The following LOXL2 variants were observed in gnomAD, a reference collection of about 807,000 sequenced individuals.
The protein encoded by LOXL2 is lysyl oxidase homolog 2.
Under a neutral mutation model 93.0 loss-of-function variants are expected in LOXL2, and 70 were observed. The ratio of observed to expected loss-of-function variants is 0.75; its 90% CI spans 0.62 to 0.92. The LOEUF (loss-of-function observed/expected upper bound fraction) is 0.92, where lower values mean the gene tolerates loss of function less well. Among genes scored for constraint, LOXL2 ranks in the 40% least tolerant of loss-of-function variants. The probability of loss-of-function intolerance (pLI) is 0.00; values close to 1 mark genes in which losing one functional copy is unlikely to be tolerated. For synonymous variants in LOXL2, 438 were observed against 413.2 expected, an observed-to-expected ratio of 1.06 and a Z score of -0.73; for missense variants, 973 against 1,054.9, an observed-to-expected ratio of 0.92 and a Z score of 1.08.
chr8:23,321,986 C>T, intron 7 of LOXL2, 144 bp downstream of exon 7: 1 of 936,964 alleles, frequency 1.1e-6, no homozygotes, highest in Non-Finnish European at 1.6e-6. Context: ...CGAGGGGGAA[C>T]TAAACATTGC....
intron 1 of LOXL2, among the ~76,000 whole-genome samples, chr8:23,377,282 T>C (rs1280150169): frequency 6.6e-6 from 1 of 152,206 alleles, no homozygotes; most frequent in East Asian, 1.9e-4. Context: ...AGTTCTAGTT[T>C]GATTGCACTG....
chr8:23,310,359 C>T (rs1455460020), intron 9 of LOXL2, among the ~76,000 whole-genome samples: 1 of 152,208 alleles, frequency 6.6e-6, no homozygotes, highest in Non-Finnish European at 1.5e-5. Context: ...ACCTCTAATA[C>T]CTTGGTCTGC....
At chr8:23,305,774 A>G (rs1029609046) in intron 10 of LOXL2, among the ~76,000 whole-genome samples, 2 of 151,840 alleles carry the variant, frequency 1.3e-5, no homozygotes, top group African/African-American at 4.8e-5. Flanking sequence ...AAGAAGACAC[A>G]GCCTTCTACC....
chr8:23,382,465 C>G (rs771369218), intron 1 of LOXL2: 4 of 142,056 alleles, frequency 2.8e-5, no homozygotes, highest in Admixed American at 7.5e-5. Context: ...TGCAGTCAGC[C>G]AAGATCGTGC....
intron 3 of LOXL2, among the ~76,000 whole-genome samples, chr8:23,352,458 G>A (rs1057419030): frequency 1.3e-5 from 2 of 152,152 alleles, no homozygotes; most frequent in Non-Finnish European, 2.9e-5. Context: ...TCTGGTGGGA[G>A]TCAGGAGAAG....
chr8:23,309,861 G>T lies in LOXL2; in HGVS notation c.1687C>A (p.Leu563Met). The change falls in exon 10 of 14, where the codon CTG (leucine) becomes ATG (methionine). Residue 563 changes from leucine to methionine, a missense_variant. Leu to Met is a conservative substitution (Grantham distance 15). Coordinates refer to ENST00000389131, the MANE Select transcript of LOXL2 (RefSeq NM_002318.3). The part of the protein sequence containing the change: ...NAEMVQQTTY[L>M]EDRPMFMLQC... ...AGCATGAACATGGGCCGGTCCTCCA[G>T]GTAGGTGGTCTGCTGCACCATCTCC... is the stretch of plus-strand genomic sequence containing the variant. 6.3e-7 allele frequency: 1 copy of T among 1,586,274 alleles called. No homozygotes were observed. The highest frequency in any genetic ancestry group is 8.6e-7 in the Non-Finnish European group (1 of 1,164,912).
intron 1 of LOXL2, among the ~76,000 whole-genome samples, chr8:23,379,409 C>G (rs1160435539): frequency 6.6e-6 from 1 of 152,218 alleles, no homozygotes; most frequent in Non-Finnish European, 1.5e-5. Flanking sequence ...AGGCAGTCTT[C>G]CTGTTCTCAG....
At chr8:23,334,767 C>T (rs1333251158) in intron 4 of LOXL2, among the ~76,000 whole-genome samples, 1 of 94,856 alleles carries the variant, frequency 1.1e-5, no homozygotes, top group Non-Finnish European at 2.4e-5. Context: ...TGTCCAAAAT[C>T]AGAAGTAGTA....
At chr8:23,386,245 T>C (rs1804757994) in intron 1 of LOXL2, among the ~76,000 whole-genome samples, 1 of 152,080 alleles carries the variant, frequency 6.6e-6, no homozygotes, top group Non-Finnish European at 1.5e-5. Flanking sequence ...ATACAAAAAT[T>C]AGCCGGGCGT....
intron 5 of LOXL2, among the ~76,000 whole-genome samples, chr8:23,332,166 T>G (rs1803692368): frequency 6.9e-6 from 1 of 145,774 alleles, no homozygotes; most frequent in Non-Finnish European, 1.5e-5. Context: ...ACACACACAC[T>G]CACACTCTCT....
In LOXL2 at chr8:23,341,059, T is replaced by G; in HGVS notation, c.676A>C (p.Asn226His). Residue 226 changes from asparagine to histidine, a missense_variant, in exon 4 of 14, where the codon AAT becomes CAT. Physicochemically the swap from Asn to His is moderately conservative, Grantham distance 68 (BLOSUM62 1). Coordinates refer to ENST00000389131, the MANE Select transcript of LOXL2 (RefSeq NM_002318.3). ...AACATGCCGCAGACCACGCGGGAAT[T>G]CTTGGCCGTCCAGTGCTTGTCACAG... ...QICDKHWTAK[N>H]SRVVCGMFGF... The G allele has an allele frequency of 1.2e-6, 2 of 1,614,156 alleles. No homozygotes were observed. The highest frequency in any genetic ancestry group is 1.7e-4 in the Middle Eastern group (1 of 6,040).
intron 1 of LOXL2, among the ~76,000 whole-genome samples, chr8:23,368,905 G>A (rs1369795309): frequency 1.3e-5 from 2 of 152,076 alleles, no homozygotes; most frequent in East Asian, 3.9e-4. Flanking sequence ...CCATGGCAAC[G>A]GCGGGGACAT....
intron 1 of LOXL2, among the ~76,000 whole-genome samples, chr8:23,374,200 T>G (rs1295189089): frequency 6.7e-6 from 1 of 148,924 alleles, no homozygotes; most frequent in Non-Finnish European, 1.5e-5. Context: ...ACATGTGGTG[T>G]TTGGTTTTTT....
At chr8:23,366,367 T>A (rs1804401121) in intron 2 of LOXL2, among the ~76,000 whole-genome samples, 1 of 152,254 alleles carries the variant, frequency 6.6e-6, no homozygotes. Context: ...CTGTGCTGTC[T>A]CCTGATCCAG....
chr8:23,309,692 G>T lies in LOXL2; in HGVS notation c.1856C>A (p.Ala619Glu), dbSNP rs770656880. 3 of 1,528,298 alleles carry T rather than the reference G, an allele frequency of 2.0e-6. No homozygotes were observed. The highest frequency in any genetic ancestry group is 2.6e-6 in the Non-Finnish European group (3 of 1,134,768). The allele number at this position is 1,528,298 out of a possible 1,614,324, so 94.7% of individuals were successfully genotyped here. The change falls in exon 10 of 14, where the codon GCG (alanine) becomes GAG (glutamate). Residue 619 changes from alanine to glutamate, a missense_variant. By Grantham distance (107) the Ala-to-Glu change is moderately radical. Coordinates refer to ENST00000389131, the MANE Select transcript of LOXL2 (RefSeq NM_002318.3). ...SDFRPKNGRH[A>E]WIWHDCHRHY... ...CCTGTGACAGTCGTGCCAGATCCACGCGTGGCGGCCGTTCTTGGGCCGGAA... is the reference window on the plus strand; with the variant it reads ...CCTGTGACAGTCGTGCCAGATCCACTCGTGGCGGCCGTTCTTGGGCCGGAA...
chr8:23,321,095 C>T (rs1285638539), intron 7 of LOXL2, among the ~76,000 whole-genome samples: 1 of 152,222 alleles, frequency 6.6e-6, no homozygotes, highest in African/African-American at 2.4e-5. Context: ...CCAATGCATC[C>T]ACTTCCCTCC....
At chr8:23,298,150 G>A (rs778138795) in intron 13 of LOXL2, 28 bp from the exon 14 acceptor site, 18 of 1,576,394 alleles carry the variant, frequency 1.1e-5, no homozygotes, top group Non-Finnish European at 1.6e-5. Flanking sequence ...GGTAGAGAGA[G>A]TGGACAAATG....
chr8:23,395,626 A>C (rs999312201), intron 1 of LOXL2, among the ~76,000 whole-genome samples: 7 of 152,212 alleles, frequency 4.6e-5, no homozygotes, highest in Non-Finnish European at 8.8e-5. Flanking sequence ...ATGACACTTG[A>C]AAGTGTCATG....
In LOXL2 at chr8:23,377,916, A is replaced by G. The variant is rs191102072; in HGVS notation, c.-83-9482T>C. Among the ~76,000 whole-genome samples, 509 of 152,276 alleles carry G rather than the reference A, an allele frequency of 3.3e-3. 10 individuals carry two copies. The highest frequency in any genetic ancestry group is 0.025 in the Admixed American group (386 of 15,290). ...CCAATTTGCCAGTCTGTGTCTTTTA[A>G]TTGGAGCATTTAGCCCATTTACATT... On this transcript the variant is annotated intron_variant, in intron 1 of 13. Coordinates refer to ENST00000389131, the MANE Select transcript of LOXL2 (RefSeq NM_002318.3).
Sources: allele counts gnomAD v4.1 joint callset (sites outside exome capture counted in the v4.1 genomes callset), GRCh38; gene constraint gnomAD v4.1.1; transcripts MANE v1.5; gene names NCBI Gene and HGNC (gene_info 2026-07-23, HGNC 2026-07-21).